The following PCDHA7 variants were observed in gnomAD, a reference collection of about 807,000 sequenced individuals.
The protein encoded by PCDHA7 is protocadherin alpha 7.
Under a neutral mutation model 57.2 loss-of-function variants are expected in PCDHA7, and 37 were observed. The observed-to-expected ratio is 0.65, with a 90% CI of 0.50 to 0.85. The LOEUF is 0.85. PCDHA7 is among the 40% of genes least tolerant of loss of function. The pLI, the probability that PCDHA7 is intolerant of heterozygous loss-of-function variation, is 0.00. For synonymous variants in PCDHA7, 553 were observed against 558.8 expected (o/e 0.99, Z 0.15); for missense variants, 1,188 against 1,241.8 (o/e 0.96, Z 0.65).
chr5:140,857,650 G>T, intron 1 of PCDHA7: 1 of 1,596,744 alleles, frequency 6.3e-7, no homozygotes, highest in East Asian at 2.2e-5. Flanking sequence ...AGTTCCAGGT[G>T]AGCGCGCGCG....
chr5:140,869,430 C>G (rs73793507), intron 1 of PCDHA7: 1 of 1,614,036 alleles, frequency 6.2e-7, no homozygotes, highest in African/African-American at 1.3e-5. Context: ...TGGAGGTGAT[C>G]GTGGACAGGC....
rs2150441857 is a variant in PCDHA7 at position 140,849,593 on chromosome 5, G to T, written c.2355+12855G>T. ...CTGTAAAAGAGGACGCACAACTGGGGACAGTTATTGCCCTGATTAGTGTGA... is the reference window on the plus strand; with the variant it reads ...CTGTAAAAGAGGACGCACAACTGGGTACAGTTATTGCCCTGATTAGTGTGA... On this transcript the variant is annotated intron_variant, in intron 1 of 3. Transcript: ENST00000525929. The T allele has an allele frequency of 3.0e-5, 48 of 1,598,606 alleles. 4 individuals carry two copies. Among genetic ancestry groups the T allele is most frequent in the African/African-American group, 1.1e-4 (8 of 74,332 alleles).
intron 1 of PCDHA7, 130 bp downstream of exon 1, chr5:140,836,868 C>T (rs1321806293): frequency 1.4e-6 from 1 of 730,902 alleles, no homozygotes; most frequent in East Asian, 2.8e-5. Flanking sequence ...TAATGTTATG[C>T]TGTATTTGCA....
intron 3 of PCDHA7, among the ~76,000 whole-genome samples, chr5:140,998,883 GAATA>G (rs782239555): frequency 6.6e-5 from 10 of 152,274 alleles, no homozygotes; most frequent in East Asian, 1.9e-4. Flanking sequence ...AAGTTTAGTT[GAATA>G]AATAACAATG....
chr5:140,996,196 A>G (rs2097716509), intron 3 of PCDHA7, among the ~76,000 whole-genome samples: 2 of 152,216 alleles, frequency 1.3e-5, no homozygotes, highest in South Asian at 2.1e-4. Context: ...TATACCCTCA[A>G]TGCAAGGATA....
intron 1 of PCDHA7, among the ~76,000 whole-genome samples, chr5:140,916,214 C>A (rs1294292456): frequency 6.6e-6 from 1 of 152,266 alleles, no homozygotes; most frequent in African/African-American, 2.4e-5. Flanking sequence ...TGGGGAAGAT[C>A]CAAATATGCT....
chr5:140,859,369 T>C (rs1469149070), intron 1 of PCDHA7: 1 of 262,962 alleles, frequency 3.8e-6, no homozygotes, highest in Non-Finnish European at 7.0e-6. Flanking sequence ...TATTGTATAG[T>C]TTAATAGCTT....
At chr5:140,940,965 A>G (rs2092710706) in intron 1 of PCDHA7, among the ~76,000 whole-genome samples, 1 of 152,226 alleles carries the variant, frequency 6.6e-6, no homozygotes, top group Admixed American at 6.5e-5. Context: ...AATATGCAGG[A>G]TATCTGGTAT....
chr5:140,844,637 A>T (rs2150372920), intron 1 of PCDHA7, among the ~76,000 whole-genome samples: 34 of 149,574 alleles, frequency 2.3e-4, no homozygotes, highest in African/African-American at 8.3e-4. Context: ...ACTATACATG[A>T]TAATTTCATT....
chr5:140,961,400 C>T (rs929653995), intron 1 of PCDHA7, among the ~76,000 whole-genome samples: 10 of 152,186 alleles, frequency 6.6e-5, no homozygotes, highest in African/African-American at 2.4e-4. Context: ...TTAGTAAACA[C>T]TTTTTGGCAT....
At chr5:140,882,141 A>G in intron 1 of PCDHA7, 3 of 1,491,636 alleles carry the variant, frequency 2.0e-6, no homozygotes, top group South Asian at 1.4e-5. Flanking sequence ...CAGAAAATAT[A>G]GCAGAAAGCG....
chr5:140,890,043 G>GT (rs1255415089), intron 1 of PCDHA7, among the ~76,000 whole-genome samples: 1 of 152,192 alleles, frequency 6.6e-6, no homozygotes, highest in Non-Finnish European at 1.5e-5. Context: ...ACTGTAGTGT[G>GT]TTGGAGCTGG....
chr5:140,842,503 C>A, intron 1 of PCDHA7: 1 of 1,613,836 alleles, frequency 6.2e-7, no homozygotes. Context: ...CCCATGTCCC[C>A]TTCAAGCTGG....
intron 1 of PCDHA7, chr5:140,858,274 G>T: frequency 6.3e-7 from 1 of 1,597,416 alleles, no homozygotes; most frequent in Non-Finnish European, 8.6e-7. Flanking sequence ...GCTCTAGCGC[G>T]GTGGGGAGCT....
At chr5:140,866,404 A>C (rs781790462) in intron 1 of PCDHA7, 1 of 152,130 alleles carries the variant, frequency 6.6e-6, no homozygotes, top group Non-Finnish European at 1.5e-5. Context: ...TTCCCATGAA[A>C]ATCTTCAAAT....
intron 1 of PCDHA7, chr5:140,869,562 A>G (rs373044645): frequency 8.1e-6 from 13 of 1,614,050 alleles, no homozygotes; most frequent in South Asian, 2.2e-5. Context: ...CGCGTTTTCC[A>G]CTAGAGGGAG....
chr5:140,867,218 C>T (rs1306358108), intron 1 of PCDHA7: 1 of 152,104 alleles, frequency 6.6e-6, no homozygotes, highest in Non-Finnish European at 1.5e-5. Context: ...TCTTCATCCC[C>T]AATTCCCATA....
At chr5:140,899,964 T>A (rs543512832) in intron 1 of PCDHA7, among the ~76,000 whole-genome samples, 3 of 151,824 alleles carry the variant, frequency 2.0e-5, no homozygotes, top group African/African-American at 7.3e-5. Flanking sequence ...TGTGCTGCCA[T>A]GCCCAGCTAC....
At chr5:140,851,471 A>C in intron 1 of PCDHA7, 1 of 893,552 alleles carries the variant, frequency 1.1e-6, no homozygotes, top group African/African-American at 1.8e-5. Context: ...ATGTCAATAA[A>C]TGTTATAAAC....
Sources: gnomAD v4.1 joint callset for allele counts (sites outside exome capture counted in the v4.1 genomes callset) on GRCh38, gnomAD v4.1.1 for gene constraint, MANE v1.5 for transcripts, NCBI Gene and HGNC (gene_info 2026-07-23, HGNC 2026-07-21) for gene names.